FBXW11: variants seen among roughly 807,000 people sequenced by gnomAD.
FBXW11 encodes F-box and WD repeat domain containing 11, also known as F-box/WD repeat-containing protein 11.
In FBXW11, 19 loss-of-function variants were observed where a neutral mutation model predicts 77.6. The ratio of observed to expected loss-of-function variants is 0.24; its 90% CI spans 0.17 to 0.36. The LOEUF (loss-of-function observed/expected upper bound fraction) is 0.36, where lower values mean the gene tolerates loss of function less well. FBXW11 is among the 10% of genes least tolerant of loss of function. The pLI, the probability that FBXW11 is intolerant of heterozygous loss-of-function variation, is 1.00. For missense variants in FBXW11, 334 were observed against 704.2 expected (o/e 0.47, Z 5.95); for synonymous variants, 235 against 249.4 (o/e 0.94, Z 0.54).
chr5:171,936,205 A>G (rs1231534378), intron 2 of FBXW11, among the ~76,000 whole-genome samples: 1 of 151,918 alleles, frequency 6.6e-6, no homozygotes, highest in Non-Finnish European at 1.5e-5. Flanking sequence ...CAACTTTAAA[A>G]CTGCAGGCCA....
intron 2 of FBXW11, among the ~76,000 whole-genome samples, chr5:171,921,183 G>A (rs968689575): frequency 2.0e-5 from 3 of 152,136 alleles, no homozygotes; most frequent in African/African-American, 4.8e-5. Context: ...GGAAGTGGTA[G>A]GCTGGTTCCA....
intron 1 of FBXW11, among the ~76,000 whole-genome samples, chr5:172,005,836 A>AC (rs1288390888): frequency 1.3e-5 from 2 of 151,922 alleles, no homozygotes; most frequent in Non-Finnish European, 2.9e-5. Flanking sequence ...CGGGTAGGAA[A>AC]CCCTTTGTCC....
rs1281719535 is a variant in FBXW11, at chr5:171,863,494, T to C, written c.*633A>G. 2.0e-5 allele frequency: 3 copies of C among 152,578 alleles called. No individual in the cohort carries two copies. The highest frequency in any genetic ancestry group is 4.4e-5 in the Non-Finnish European group (3 of 68,046). 9.5% of individuals were successfully genotyped at this position (152,578 alleles called of 1,614,324 possible). On this transcript the variant is annotated 3_prime_UTR_variant, in exon 14 of 14. Coordinates refer to ENST00000517395, the MANE Select transcript of FBXW11 (RefSeq NM_001378974.1). ...CTATATTACCTGTTGGTAGATAATATAACTGACTTATAGTTCTTTAAATTA... is the reference window on the plus strand; with the variant it reads ...CTATATTACCTGTTGGTAGATAATACAACTGACTTATAGTTCTTTAAATTA...
Position 171,876,794 on chromosome 5 carries a change from T to G in FBXW11, c.972-260A>C, listed in dbSNP as rs1297420940. 1.3e-5 allele frequency among the ~76,000 whole-genome samples: 2 copies of G among 152,100 alleles called. No homozygotes were observed. The highest frequency in any genetic ancestry group is 2.4e-5 in the African/African-American group (1 of 41,404). ...ACTCTTAGTTCCTGAGAGAACAGGT[T>G]GTTGAAAAGAGCCTCCTAGCACCTC... On this transcript the variant is annotated intron_variant, in intron 8 of 13. Transcript: ENST00000517395. This position sits in a 1 kb window ranked among gnomAD's most constrained non-coding sequence, Gnocchi z 4.2.
intron 1 of FBXW11, among the ~76,000 whole-genome samples, chr5:171,970,227 A>C (rs969957154): frequency 3.1e-4 from 47 of 152,240 alleles, no homozygotes; most frequent in African/African-American, 1.1e-3. Flanking sequence ...ACTTGGTGGG[A>C]GGTGACTGGA....
At chr5:171,924,990 C>A (rs967409232) in intron 2 of FBXW11, among the ~76,000 whole-genome samples, 28 of 152,254 alleles carry the variant, frequency 1.8e-4, no homozygotes, top group Admixed American at 3.3e-4. Flanking sequence ...GCACGCCTGG[C>A]CCCGGCACAG....
intron 2 of FBXW11, among the ~76,000 whole-genome samples, chr5:171,918,110 A>T (rs1205720830): frequency 2.0e-5 from 3 of 152,090 alleles, no homozygotes; most frequent in African/African-American, 7.2e-5. Flanking sequence ...AATACAATAC[A>T]GTCCTCTCCT....
chr5:171,982,422 A>G (rs1305045790), intron 1 of FBXW11, among the ~76,000 whole-genome samples: 9 of 152,140 alleles, frequency 5.9e-5, no homozygotes, highest in African/African-American at 1.7e-4. Context: ...GATTACAGGA[A>G]TGCACCACCA....
At chr5:171,866,568 T>C (rs1183504710) in intron 13 of FBXW11, among the ~76,000 whole-genome samples, 4 of 152,216 alleles carry the variant, frequency 2.6e-5, no homozygotes, top group Non-Finnish European at 4.4e-5. Context: ...CACTGCTTCA[T>C]CTCTCAACCA....
intron 6 of FBXW11, 66 bp downstream of exon 6, chr5:171,898,935 TCTA>T: frequency 5.8e-6 from 6 of 1,040,120 alleles, no homozygotes; most frequent in Non-Finnish European, 8.5e-6. Flanking sequence ...AAAAGAACAC[TCTA>T]AGGCAACATA....
intron 13 of FBXW11, 47 bp downstream of exon 13, chr5:171,868,563 A>C: frequency 6.8e-7 from 1 of 1,477,394 alleles, no homozygotes; most frequent in Non-Finnish European, 9.2e-7. Context: ...CCCAAAGGGA[A>C]GGTGAATTCA....
intron 1 of FBXW11, among the ~76,000 whole-genome samples, chr5:171,983,769 A>G (rs1173243414): frequency 6.6e-6 from 1 of 152,102 alleles, no homozygotes; most frequent in East Asian, 1.9e-4. Context: ...AGCTAAATAT[A>G]TGCCTACCCC....
At chr5:171,905,596 C>CA (rs1048537720) in intron 4 of FBXW11, among the ~76,000 whole-genome samples, 2 of 102,148 alleles carry the variant, frequency 2.0e-5, no homozygotes, top group Admixed American at 1.9e-4. Context: ...CTAACCCCCC[C>CA]CCCTTTATTT....
intron 4 of FBXW11, among the ~76,000 whole-genome samples, chr5:171,900,954 C>T (rs536912837): frequency 2.0e-5 from 3 of 152,278 alleles, no homozygotes; most frequent in South Asian, 2.1e-4. Context: ...CATCCTGTGG[C>T]GGTAAGTATG....
chr5:171,893,920 A>G (rs1279434154), intron 6 of FBXW11, among the ~76,000 whole-genome samples: 3 of 152,148 alleles, frequency 2.0e-5, no homozygotes, highest in African/African-American at 7.2e-5. Flanking sequence ...AATGACTAGA[A>G]AAAGCACATT....
At chr5:171,883,223 T>C (rs1241016665) in intron 7 of FBXW11, among the ~76,000 whole-genome samples, 1 of 152,224 alleles carries the variant, frequency 6.6e-6, no homozygotes, top group Non-Finnish European at 1.5e-5. Context: ...AATTTTGCAA[T>C]TGTGAATTGT....
chr5:171,965,483 G>A (rs1199915278), intron 1 of FBXW11, among the ~76,000 whole-genome samples: 1 of 150,632 alleles, frequency 6.6e-6, no homozygotes, highest in African/African-American at 2.5e-5. Context: ...CTGAGATCAT[G>A]CCATTGTACT....
chr5:171,885,400 C>G (rs1343684561), intron 7 of FBXW11, among the ~76,000 whole-genome samples: 1 of 152,130 alleles, frequency 6.6e-6, no homozygotes, highest in Admixed American at 6.5e-5. Context: ...TTTTCAATTA[C>G]GGTTCAGGTT....
chr5:171,872,557 G>T (rs1157157504), intron 10 of FBXW11, among the ~76,000 whole-genome samples: 1 of 152,178 alleles, frequency 6.6e-6, no homozygotes, highest in Non-Finnish European at 1.5e-5. Flanking sequence ...GCTCACAGGT[G>T]AGGGAAATTG....
Sources: gnomAD v4.1 joint callset for allele counts (sites outside exome capture counted in the v4.1 genomes callset) on GRCh38, gnomAD v4.1.1 for gene constraint, Gnocchi (gnomAD v3.1) non-coding constraint, MANE v1.5 for transcripts, NCBI Gene and HGNC (gene_info 2026-07-23, HGNC 2026-07-21) for gene names.